RIMS2: variants seen among roughly 807,000 people sequenced by gnomAD.
The protein encoded by RIMS2 is regulating synaptic membrane exocytosis protein 2.
A neutral mutation model predicts 174.4 loss-of-function variants in RIMS2; 59 were observed. The observed-to-expected ratio is 0.34, with a 90% CI of 0.27 to 0.42. The LOEUF (loss-of-function observed/expected upper bound fraction) is 0.42, where lower values mean the gene tolerates loss of function less well. RIMS2 is among the 10% of genes least tolerant of loss of function. The pLI is 1.00. For missense variants in RIMS2, 1,620 were observed against 1,666.3 expected (o/e 0.97, Z 0.48); for synonymous variants, 606 against 572.5 (o/e 1.06, Z -0.84).
At chr8:103,788,854 G>A (rs2098468734) in intron 3 of RIMS2, among the ~76,000 whole-genome samples, 1 of 152,202 alleles carries the variant, frequency 6.6e-6, no homozygotes, top group African/African-American at 2.4e-5. Context: ...GCAATGGCGG[G>A]CGCCCCTCCC....
At chr8:104,008,231 C>A (rs1474725748) in intron 17 of RIMS2, among the ~76,000 whole-genome samples, 1 of 151,910 alleles carries the variant, frequency 6.6e-6, no homozygotes, top group Non-Finnish European at 1.5e-5. Flanking sequence ...TTATTAAATT[C>A]AAACATTCAC....
intron 2 of RIMS2, among the ~76,000 whole-genome samples, chr8:103,705,036 A>G (rs2097208972): frequency 6.6e-6 from 1 of 151,460 alleles, no homozygotes; most frequent in Non-Finnish European, 1.5e-5. Context: ...TTTAACATGC[A>G]TTATTTGGTT....
In RIMS2 at chr8:103,904,177, T is replaced by C. The variant is rs74614173; in HGVS notation, c.1625-5957T>C. On this transcript the variant is annotated intron_variant, in intron 4 of 23. Transcript: ENST00000504942. ...TAGATTTTTATCATTTAGAGAATGA[T>C]ATATGAATGAAATCATACAGTATGT... Among the ~76,000 whole-genome samples the C allele has an allele frequency of 2.9e-3, 449 of 152,272 alleles. 4 individuals are homozygous for C. The highest frequency in any genetic ancestry group is 0.01 in the African/African-American group (422 of 41,576).
intron 2 of RIMS2, among the ~76,000 whole-genome samples, chr8:103,741,930 C>G (rs1023896220): frequency 6.6e-6 from 1 of 152,016 alleles, no homozygotes; most frequent in Non-Finnish European, 1.5e-5. Flanking sequence ...TAATACAGAT[C>G]ATCTGAGAAT....
At chr8:103,814,704 C>T (rs1197632557) in intron 3 of RIMS2, among the ~76,000 whole-genome samples, 1 of 152,038 alleles carries the variant, frequency 6.6e-6, no homozygotes, top group African/African-American at 2.4e-5. Flanking sequence ...GTGAGACCCC[C>T]TCCATCTCTA....
intron 3 of RIMS2, among the ~76,000 whole-genome samples, chr8:103,861,350 A>G (rs1438929590): frequency 1.3e-5 from 2 of 152,092 alleles, no homozygotes; most frequent in Non-Finnish European, 2.9e-5. Context: ...TGTTGTATAT[A>G]TACACCACAT....
Position 103,959,430 on chromosome 8 carries a change from T to G in RIMS2, c.2702-1635T>G, listed in dbSNP as rs115243094. Among the ~76,000 whole-genome samples the G allele has an allele frequency of 5.8e-3, 878 of 150,358 alleles. 11 individuals are homozygous for G. The highest frequency in any genetic ancestry group is 0.02 in the African/African-American group (836 of 41,176). On this transcript the variant is annotated intron_variant, in intron 14 of 23. Coordinates refer to ENST00000504942, the Ensembl canonical transcript of RIMS2. ...TAACATGCATACCTAAAAAAGTAAT[T>G]TTTTTTTTTTGAGATGGAATCGCAC...
At chr8:103,628,062 A>G (rs1469304591) in intron 1 of RIMS2, among the ~76,000 whole-genome samples, 1 of 152,160 alleles carries the variant, frequency 6.6e-6, no homozygotes, top group Admixed American at 6.5e-5. Flanking sequence ...CCTATAATTA[A>G]TTTTGTATAA....
intron 16 of RIMS2, among the ~76,000 whole-genome samples, chr8:103,980,524 T>G (rs966760882): frequency 7.2e-5 from 11 of 152,140 alleles, no homozygotes; most frequent in African/African-American, 2.7e-4. Context: ...GATGAAAGAC[T>G]GCTTCTGTTT....
At chr8:103,516,881 T>A (rs879287952) in intron 1 of RIMS2, among the ~76,000 whole-genome samples, 1 of 152,140 alleles carries the variant, frequency 6.6e-6, no homozygotes, top group Non-Finnish European at 1.5e-5. Context: ...TCTAAAAGAA[T>A]TTAAAAAATG....
intron 19 of RIMS2, among the ~76,000 whole-genome samples, chr8:104,034,575 T>A (rs2154556728): frequency 6.6e-6 from 1 of 151,184 alleles, no homozygotes; most frequent in East Asian, 2.0e-4. Context: ...GTTCAAGCGA[T>A]TCTCCTGCCT....
At chr8:103,577,366 C>T (rs908223723) in intron 1 of RIMS2, among the ~76,000 whole-genome samples, 1 of 152,096 alleles carries the variant, frequency 6.6e-6, no homozygotes, top group African/African-American at 2.4e-5. Flanking sequence ...AAATCAAAAC[C>T]ACAGTGAGAC....
intron 3 of RIMS2, among the ~76,000 whole-genome samples, chr8:103,825,307 G>A (rs1455124332): frequency 1.3e-5 from 2 of 151,810 alleles, no homozygotes; most frequent in African/African-American, 4.8e-5. Context: ...ATTTTTTGAT[G>A]TTGTCTCTCT....
chr8:103,633,940 G>A (rs2096009643), intron 1 of RIMS2, among the ~76,000 whole-genome samples: 1 of 151,928 alleles, frequency 6.6e-6, no homozygotes, highest in African/African-American at 2.4e-5. Context: ...AGTCTAGTTA[G>A]TGGCCTATTA....
At chr8:103,808,568 T>C (rs1295106684) in intron 3 of RIMS2, among the ~76,000 whole-genome samples, 3 of 152,144 alleles carry the variant, frequency 2.0e-5, no homozygotes, top group Non-Finnish European at 4.4e-5. Context: ...TGCATGCACC[T>C]CAAATTCAGC....
intron 19 of RIMS2, among the ~76,000 whole-genome samples, chr8:104,160,647 T>A (rs2098755454): frequency 6.6e-6 from 1 of 152,360 alleles, no homozygotes; most frequent in East Asian, 1.9e-4. Flanking sequence ...TTTGCTAATG[T>A]ATTCTTATGG....
chr8:103,912,625 G>A (rs945770366), intron 6 of RIMS2, among the ~76,000 whole-genome samples: 2 of 152,106 alleles, frequency 1.3e-5, no homozygotes, highest in African/African-American at 2.4e-5. Flanking sequence ...AAATGTGTGT[G>A]TGCATGTGTA....
At chr8:103,844,974 CTTAA>C (rs1443613613) in intron 3 of RIMS2, among the ~76,000 whole-genome samples, 1 of 152,040 alleles carries the variant, frequency 6.6e-6, no homozygotes, top group East Asian at 1.9e-4. Flanking sequence ...TTTTCCAGCT[CTTAA>C]TAGACTTCCA....
intron 1 of RIMS2, among the ~76,000 whole-genome samples, chr8:103,575,875 A>G (rs983760221): frequency 6.6e-6 from 1 of 152,002 alleles, no homozygotes; most frequent in Admixed American, 6.6e-5. Flanking sequence ...AGTTTCCCCA[A>G]AACTACAGTT....
Sources: gnomAD v4.1 joint callset for allele counts (sites outside exome capture counted in the v4.1 genomes callset) on GRCh38, gnomAD v4.1.1 for gene constraint, MANE v1.5 for transcripts, NCBI Gene and HGNC (gene_info 2026-07-23, HGNC 2026-07-21) for gene names.